Variants in MBP observed in about 807,000 individuals in gnomAD.
MBP encodes Golli-MBP.
A neutral mutation model predicts 35.8 loss-of-function variants in MBP; 16 were observed. The ratio of observed to expected loss-of-function variants is 0.45; its 90% CI spans 0.30 to 0.68. The LOEUF is 0.68. MBP is among the 30% of genes least tolerant of loss of function. MBP has a pLI of 0.08. For synonymous variants in MBP, 143 were observed against 159.6 expected (o/e 0.90, Z 0.78); for missense variants, 380 against 404.7 (o/e 0.94, Z 0.52).
chr18:77,105,493 A>G (rs947083615), intron 1 of MBP, among the ~76,000 whole-genome samples: 1 of 152,246 alleles, frequency 6.6e-6, no homozygotes, highest in South Asian at 2.1e-4. Flanking sequence ...GCTAGAAAAC[A>G]GAACCGCACC....
intron 4 of MBP, among the ~76,000 whole-genome samples, chr18:77,000,506 C>A (rs112915995): frequency 7.8e-4 from 119 of 152,310 alleles, no homozygotes; most frequent in African/African-American, 2.8e-3. Flanking sequence ...TTTAAAATCA[C>A]GGGAGGAAGA....
At chr18:77,021,926 C>G (rs1429217232) in intron 3 of MBP, among the ~76,000 whole-genome samples, 1 of 152,140 alleles carries the variant, frequency 6.6e-6, no homozygotes, top group Non-Finnish European at 1.5e-5. Context: ...GCCCCTTCAG[C>G]ACTGAGGTCT....
chr18:77,105,136 C>G (rs1390011660), intron 2 of MBP, 75 bp downstream of exon 2: 20 of 1,432,392 alleles, frequency 1.4e-5, no homozygotes, highest in Non-Finnish European at 1.9e-5. Flanking sequence ...ATGCCCGTAG[C>G]CTCTGACACA....
chr18:77,011,699 A>G (rs1018652953), intron 4 of MBP, among the ~76,000 whole-genome samples: 1 of 152,216 alleles, frequency 6.6e-6, no homozygotes, highest in African/African-American at 2.4e-5. Flanking sequence ...GCCCGCTTGT[A>G]TGGGGCTCCC....
chr18:77,091,608 C>G (rs1239820859), intron 2 of MBP, among the ~76,000 whole-genome samples: 3 of 151,150 alleles, frequency 2.0e-5, no homozygotes, highest in African/African-American at 7.3e-5. Flanking sequence ...CACACACACA[C>G]ACCCACCCAC....
Position 77,094,297 on chromosome 18 carries a change from C to G in MBP, c.51+10914G>C, listed in dbSNP as rs1250817075. On this transcript the variant is annotated intron_variant, in intron 2 of 8. Transcript: ENST00000355994. ...CCTAAAGTTTCTCTTTAAAAGGATG[C>G]CTTTTCTATATTATTTTATTCCTCT... Among the ~76,000 whole-genome samples the G allele has an allele frequency of 2.6e-5, 4 of 152,144 alleles. No homozygotes were observed. In the East Asian group the frequency reaches 7.7e-4, roughly 29 times the overall value.
chr18:77,017,342 G>T, intron 3 of MBP, 74 bp from the exon 4 acceptor site: 1 of 1,377,548 alleles, frequency 7.3e-7, no homozygotes, highest in Non-Finnish European at 9.6e-7. Flanking sequence ...TTCTCTGAGG[G>T]GTCTTGACCT....
chr18:77,048,268 A>G (rs1311514575), intron 3 of MBP, among the ~76,000 whole-genome samples: 1 of 152,238 alleles, frequency 6.6e-6, no homozygotes, highest in Admixed American at 6.5e-5. Flanking sequence ...CAGCGTTCTG[A>G]GGACTGTGCA....
rs535339396 is a variant in MBP at position 77,122,723 on chromosome 18, A to G, written c.-26+9857T>C. ...ACGCCTGGCTAATTTTTGTATTTTC[A>G]GTAGAGACAGGGTTTCACCATGTTG... On this transcript the variant is annotated intron_variant, in intron 1 of 8. Transcript: ENST00000355994. 1.0e-3 allele frequency among the ~76,000 whole-genome samples: 155 copies of G among 152,174 alleles called. 1 individual carries two copies. Among genetic ancestry groups the G allele is most frequent in the African/African-American group, 3.5e-3 (147 of 41,524 alleles).
intron 4 of MBP, among the ~76,000 whole-genome samples, chr18:77,008,437 G>A (rs1971127503): frequency 6.6e-6 from 1 of 152,160 alleles, no homozygotes; most frequent in Non-Finnish European, 1.5e-5. Context: ...CGAAAACCAA[G>A]TGCGGCTTCA....
At chr18:77,085,565 A>G (rs1009338220) in intron 2 of MBP, among the ~76,000 whole-genome samples, 1 of 152,100 alleles carries the variant, frequency 6.6e-6, no homozygotes, top group African/African-American at 2.4e-5. Context: ...ACGTGTCACC[A>G]TTATGTTTTT....
chr18:77,071,112 C>A (rs945688326), intron 2 of MBP, among the ~76,000 whole-genome samples: 9 of 152,260 alleles, frequency 5.9e-5, no homozygotes, highest in African/African-American at 1.9e-4. Context: ...AGTTTCTAAT[C>A]ATCACAAAAA....
rs1969526663 is a variant in MBP at position 76,985,829 on chromosome 18, C to T, written c.751-935G>A. ...GATGCCACTCCTCAGGTGGAGGCTG[C>T]CAGCTCTGGGCTTTGGTGCCAGCTG... On this transcript the variant is annotated intron_variant, in intron 7 of 8. Transcript: ENST00000355994. 5.1e-6 allele frequency: 5 copies of T among 988,716 alleles called. No homozygotes were observed. The Admixed American group carries it at 1.8e-4, about 35-fold the overall frequency. The allele number at this position is 988,716 out of a possible 1,614,324, so 61.2% of individuals were successfully genotyped here.
At chr18:77,066,434 A>G (rs764267036) in intron 2 of MBP, 49 bp from the exon 3 acceptor site, 118 of 1,192,980 alleles carry the variant, frequency 9.9e-5, no homozygotes, top group Admixed American at 2.8e-4. Flanking sequence ...AAATTGTTTT[A>G]TCAACAAAAT....
intron 3 of MBP, among the ~76,000 whole-genome samples, chr18:77,021,150 C>T (rs1182168229): frequency 6.6e-6 from 1 of 152,162 alleles, no homozygotes; most frequent in African/African-American, 2.4e-5. Context: ...GGAGCAGCCT[C>T]TCGGGTGGAA....
At chr18:77,074,304 CAGTGAGCCCCGGTCT>C (rs1974569894) in intron 2 of MBP, among the ~76,000 whole-genome samples, 2 of 150,948 alleles carry the variant, frequency 1.3e-5, no homozygotes, top group Admixed American at 1.3e-4. Flanking sequence ...CAAGGGGGTT[CAGTGAGCCCCGGTCT>C]CAAGGGGGTT....
chr18:77,079,090 C>A (rs1974779421), intron 2 of MBP, among the ~76,000 whole-genome samples: 1 of 152,216 alleles, frequency 6.6e-6, no homozygotes, highest in Admixed American at 6.5e-5. Context: ...CCCTTTGAGT[C>A]CCCAGCCTCA....
Position 76,988,577 on chromosome 18 carries a change from A to G in MBP, c.718-50T>C, listed in dbSNP as rs771434790. On this transcript the variant is annotated intron_variant, in intron 6 of 8. Coordinates refer to ENST00000355994, the MANE Select transcript of MBP (RefSeq NM_001025101.2). The surrounding 1 kb of genome is among the most constrained non-coding windows in gnomAD (Gnocchi z 5.2). ...ATGACATGGTGGTCAGTGAAGGGAA[A>G]GTCCTTTCAATCAACAGGAAACACA... 1.3e-6 allele frequency: 2 copies of G among 1,585,378 alleles called. No homozygotes were observed. Among genetic ancestry groups the G allele is most frequent in the African/African-American group, 1.3e-5 (1 of 74,240 alleles).
chr18:77,118,839 TACAG>T (rs1348455786), intron 1 of MBP, among the ~76,000 whole-genome samples: 7 of 123,344 alleles, frequency 5.7e-5, no homozygotes, highest in South Asian at 5.3e-4. Flanking sequence ...CCACAGACAC[TACAG>T]ACACACACCA....
Sources: allele counts gnomAD v4.1 joint callset (sites outside exome capture counted in the v4.1 genomes callset), GRCh38; gene constraint gnomAD v4.1.1; non-coding constraint Gnocchi (gnomAD v3.1); transcripts MANE v1.5; gene names NCBI Gene and HGNC (gene_info 2026-07-23, HGNC 2026-07-21).